Variants in C12orf42 observed in about 807,000 individuals in gnomAD.
The protein encoded by C12orf42 is uncharacterized protein C12orf42.
Under a neutral mutation model 21.6 loss-of-function variants are expected in C12orf42, and 25 were observed. The observed-to-expected ratio is 1.16, with a 90% CI of 0.84 to 1.62. The LOEUF (loss-of-function observed/expected upper bound fraction) is 1.62, where lower values mean the gene tolerates loss of function less well. Ranked by LOEUF, C12orf42 falls within the 40% of genes most tolerant of loss-of-function variation. The pLI, the probability that C12orf42 is intolerant of heterozygous loss-of-function variation, is 0.00. For synonymous variants in C12orf42, 174 were observed against 175.0 expected (o/e 0.99, Z 0.05); for missense variants, 483 against 459.3 (o/e 1.05, Z -0.47).
At chr12:103,369,347 CA>C (rs35959433) in intron 3 of C12orf42, among the ~76,000 whole-genome samples, 60 of 149,442 alleles carry the variant, frequency 4.0e-4, no homozygotes, top group African/African-American at 1.1e-3. Context: ...TGGAGAGTGA[CA>C]AAAAAAAACA....
intron 4 of C12orf42, among the ~76,000 whole-genome samples, chr12:103,346,291 A>G (rs2042617025): frequency 2.0e-5 from 3 of 152,198 alleles, no homozygotes; most frequent in Admixed American, 1.3e-4. Context: ...TCTCCATCCT[A>G]ATTCCATACA....
At chr12:103,398,816 C>T (rs1301133983) in intron 3 of C12orf42, among the ~76,000 whole-genome samples, 8 of 152,146 alleles carry the variant, frequency 5.3e-5, no homozygotes, top group Admixed American at 2.6e-4. Context: ...TTCAGTTCCA[C>T]GGGCCTACCC....
chr12:103,089,086 A>G, the C12orf42 span, among the ~76,000 whole-genome samples: 1 of 129,960 alleles, frequency 7.7e-6, no homozygotes, highest in East Asian at 2.6e-4. Context: ...TGGACGACAG[A>G]GCGAGACTCC....
chr12:103,377,783 G>T (rs1934900489), intron 3 of C12orf42, among the ~76,000 whole-genome samples: 1 of 152,098 alleles, frequency 6.6e-6, no homozygotes, highest in Non-Finnish European at 1.5e-5. Flanking sequence ...AGGTTTTTCT[G>T]GGGGGTAGCA....
intron 1 of C12orf42, among the ~76,000 whole-genome samples, chr12:103,488,452 T>C (rs1003091879): frequency 2.6e-5 from 4 of 152,180 alleles, no homozygotes; most frequent in South Asian, 4.1e-4. Flanking sequence ...TCTTGCGGAG[T>C]ATCTTTGTGG....
chr12:103,275,349 A>C (rs1165853494), intron 5 of C12orf42, among the ~76,000 whole-genome samples: 1 of 152,202 alleles, frequency 6.6e-6, no homozygotes, highest in Non-Finnish European at 1.5e-5. Flanking sequence ...AACCTATATT[A>C]AACACATTAA....
chr12:103,131,742 A>G, the C12orf42 span, among the ~76,000 whole-genome samples: 5 of 152,276 alleles, frequency 3.3e-5, no homozygotes, highest in East Asian at 9.6e-4. Context: ...TAGTGGTGGC[A>G]GTAATATTGT....
chr12:103,177,874 T>TGC, the C12orf42 span, among the ~76,000 whole-genome samples: 4 of 151,034 alleles, frequency 2.6e-5, no homozygotes, highest in African/African-American at 9.8e-5. Flanking sequence ...TGTGTGTGTG[T>TGC]GCGCGCGCGC....
At chr12:103,287,138 C>T (rs897070932) in intron 4 of C12orf42, among the ~76,000 whole-genome samples, 5 of 152,150 alleles carry the variant, frequency 3.3e-5, no homozygotes, top group Non-Finnish European at 5.9e-5. Context: ...TTGTGGAAGT[C>T]GGTGTGGCGA....
chr12:103,185,471 CCCTTCCTT>C, the C12orf42 span, among the ~76,000 whole-genome samples: 3,773 of 151,620 alleles, frequency 0.025, 45 homozygotes, highest in East Asian at 0.027. Context: ...CCTTCTTTTT[CCCTTCCTT>C]CCTTCCTTCC....
chr12:103,066,071 G>A, the C12orf42 span, among the ~76,000 whole-genome samples: 107 of 152,272 alleles, frequency 7.0e-4, no homozygotes, highest in African/African-American at 2.4e-3. Flanking sequence ...CACAGCGGAG[G>A]CCTCTAGGAT....
the C12orf42 span, among the ~76,000 whole-genome samples, chr12:103,232,325 G>T: frequency 6.6e-6 from 1 of 152,072 alleles, no homozygotes; most frequent in South Asian, 2.1e-4. Flanking sequence ...CCAGCTCACC[G>T]ACTCTTTCTT....
At chr12:103,410,582 G>A in intron 2 of C12orf42, among the ~76,000 whole-genome samples, 1 of 152,140 alleles carries the variant, frequency 6.6e-6, no homozygotes, top group South Asian at 2.1e-4. Flanking sequence ...GGATGGATGG[G>A]GAATATCTAC....
intron 2 of C12orf42, among the ~76,000 whole-genome samples, chr12:103,438,415 G>A (rs551834483): frequency 1.2e-3 from 186 of 152,114 alleles, no homozygotes; most frequent in African/African-American, 4.2e-3. Flanking sequence ...AGGGCAATCA[G>A]GCAGGAGAAA....
In C12orf42 at chr12:103,478,443, A is replaced by G. The variant is rs141389753; in HGVS notation, c.-17T>C. The G allele has an allele frequency of 1.2e-3, 1,803 of 1,467,570 alleles. 2 individuals carry two copies. The highest frequency in any genetic ancestry group is 1.6e-3 in the Non-Finnish European group (1,677 of 1,067,432). 90.9% of individuals were successfully genotyped at this position (1,467,570 alleles called of 1,614,324 possible). On this transcript the variant is annotated 5_prime_UTR_variant, in exon 2 of 6. Transcript: ENST00000548883. ...TGTAGACATTAATTTGACAAGTTCA[A>G]CTCCCTATAAACAAAGAATGGAGAA...
chr12:103,300,256 A>G (rs2037559566), downstream of C12orf42, among the ~76,000 whole-genome samples: 1 of 152,190 alleles, frequency 6.6e-6, no homozygotes. Flanking sequence ...ATTGGGTTAA[A>G]CAGAGTTTAT....
At chr12:103,538,001 A>G in the C12orf42 span, among the ~76,000 whole-genome samples, 1 of 152,250 alleles carries the variant, frequency 6.6e-6, no homozygotes, top group Non-Finnish European at 1.5e-5. Flanking sequence ...AGGAAGAAAC[A>G]ACTTTATGAA....
intron 2 of C12orf42, among the ~76,000 whole-genome samples, chr12:103,432,112 G>A (rs1181523411): frequency 6.6e-6 from 1 of 152,136 alleles, no homozygotes; most frequent in Non-Finnish European, 1.5e-5. Context: ...CATGTGTAGT[G>A]TGTTTACTGG....
intron 3 of C12orf42, 69 bp downstream of exon 3, chr12:103,401,538 T>A: frequency 1.5e-6 from 2 of 1,303,560 alleles, no homozygotes; most frequent in South Asian, 2.6e-5. Context: ...TCTGCTTACA[T>A]GTAAAGCAAC....
Sources: gnomAD v4.1 joint callset for allele counts (sites outside exome capture counted in the v4.1 genomes callset) on GRCh38, gnomAD v4.1.1 for gene constraint, MANE v1.5 for transcripts, NCBI Gene and HGNC (gene_info 2026-07-23, HGNC 2026-07-21) for gene names.